The following LHFPL4 variants were observed in gnomAD, a reference collection of about 807,000 sequenced individuals.
The protein encoded by LHFPL4 is LHFPL tetraspan subfamily member 4 protein.
LHFPL4 carries 6 observed loss-of-function variants against 20.0 expected under a neutral mutation model. The ratio of observed to expected loss-of-function variants is 0.30; its 90% CI spans 0.16 to 0.59. The LOEUF (loss-of-function observed/expected upper bound fraction) is 0.59. LHFPL4 is among the 20% of genes least tolerant of loss of function. LHFPL4 has a pLI of 0.88. For synonymous variants in LHFPL4, 129 were observed against 143.8 expected (o/e 0.90, Z 0.74); for missense variants, 215 against 331.2 (o/e 0.65, Z 2.72).
intron 2 of LHFPL4, among the ~76,000 whole-genome samples, chr3:9,538,909 A>C (rs976756159): frequency 5.9e-5 from 9 of 151,958 alleles, no homozygotes; most frequent in Non-Finnish European, 1.3e-4. Flanking sequence ...CACATTGGCC[A>C]GGCTGGTCTT....
At chr3:9,507,414 G>A (rs954343798) in intron 2 of LHFPL4, among the ~76,000 whole-genome samples, 1 of 152,222 alleles carries the variant, frequency 6.6e-6, no homozygotes, top group African/African-American at 2.4e-5. Context: ...TTCTTCATCT[G>A]TACAATGGGG....
intron 2 of LHFPL4, among the ~76,000 whole-genome samples, chr3:9,520,122 C>T (rs2046328659): frequency 6.6e-6 from 1 of 152,024 alleles, no homozygotes. Flanking sequence ...ATCATGTCAT[C>T]CCTCAAGTTT....
intron 2 of LHFPL4, among the ~76,000 whole-genome samples, chr3:9,534,103 G>A (rs566181740): frequency 1.3e-5 from 2 of 151,716 alleles, no homozygotes; most frequent in South Asian, 2.1e-4. Context: ...CCATGCAGTA[G>A]TCCCCGCTAT....
intron 2 of LHFPL4, among the ~76,000 whole-genome samples, chr3:9,530,879 G>A (rs531953373): frequency 2.0e-5 from 3 of 152,092 alleles, no homozygotes; most frequent in African/African-American, 4.8e-5. Flanking sequence ...GATAACAAGC[G>A]TGAGCCACCA....
chr3:9,538,996 G>A (rs892083699), intron 2 of LHFPL4, among the ~76,000 whole-genome samples: 3 of 151,768 alleles, frequency 2.0e-5, no homozygotes, highest in Non-Finnish European at 4.4e-5. Context: ...CACCACACCT[G>A]GCCCAAATTC....
At chr3:9,510,452 A>AAT (rs2046250599) in intron 2 of LHFPL4, among the ~76,000 whole-genome samples, 1 of 148,088 alleles carries the variant, frequency 6.8e-6, no homozygotes, top group African/African-American at 2.5e-5. Flanking sequence ...AAAAAAAAAA[A>AAT]GGCCCTAATG....
At chr3:9,550,618 C>T (rs2046547267) in intron 2 of LHFPL4, 1 of 152,222 alleles carries the variant, frequency 6.6e-6, no homozygotes, top group Non-Finnish European at 1.5e-5. Flanking sequence ...CATCTGCAGA[C>T]TCCAAATTAA....
rs753941704 is a variant in LHFPL4 at position 9,552,630 on chromosome 3, C to T, written c.50G>A (p.Arg17Gln). 6.2e-7 allele frequency: 1 copy of T among 1,613,678 alleles called. No individual in the cohort carries two copies. The highest frequency in any genetic ancestry group is 8.5e-7 in the Non-Finnish European group (1 of 1,179,890). The change falls in exon 2 of 4, where the codon CGG (arginine) becomes CAG (glutamine). Residue 17 changes from arginine (R) to glutamine (Q), a missense_variant. By Grantham distance (43) the Arg-to-Gln change is conservative. Coordinates refer to ENST00000287585, the MANE Select transcript of LHFPL4 (RefSeq NM_198560.3). ...CAGCACGCCGATGGCCCGCGAGTTC[C>T]GCATGTAGTGCTCGTGGTAGAGCTT... ...ASKLYHEHYM[R>Q]NSRAIGVLWA...
intron 1 of LHFPL4, among the ~76,000 whole-genome samples, chr3:9,553,202 G>A (rs368347347): frequency 6.6e-6 from 1 of 151,662 alleles, no homozygotes; most frequent in Non-Finnish European, 1.5e-5. Flanking sequence ...GTCTAGCAAG[G>A]GACTATGAGG....
At chr3:9,514,242 G>A (rs539695940) in intron 2 of LHFPL4, among the ~76,000 whole-genome samples, 2 of 152,242 alleles carry the variant, frequency 1.3e-5, no homozygotes, top group African/African-American at 4.8e-5. Flanking sequence ...AGAAGTTCAA[G>A]ACCAGCATAG....
At chr3:9,530,411 A>C (rs1257972619) in intron 2 of LHFPL4, among the ~76,000 whole-genome samples, 2 of 152,094 alleles carry the variant, frequency 1.3e-5, no homozygotes, top group Non-Finnish European at 2.9e-5. Context: ...ACATGAACCA[A>C]CCTCTGCTAG....
intron 2 of LHFPL4, among the ~76,000 whole-genome samples, chr3:9,512,180 C>A (rs918009263): frequency 6.6e-6 from 1 of 152,236 alleles, no homozygotes; most frequent in African/African-American, 2.4e-5. Flanking sequence ...ATCCACCCGC[C>A]TTGGCCTCCC....
Position 9,502,156 on chromosome 3 carries a change from C to CA in LHFPL4, c.*54dup, listed in dbSNP as rs2046181175. On this transcript the variant is annotated 3_prime_UTR_variant, in exon 4 of 4. Coordinates refer to ENST00000287585, the MANE Select transcript of LHFPL4 (RefSeq NM_198560.3). ...GAGCTTGAATGGAGTGACGAGAGGG[C>CA]AGAAGGCAGGACAAGCTGAGGTCAG... 7.9e-7 allele frequency: 1 copy of CA among 1,271,630 alleles called. No individual in the cohort carries two copies. The highest frequency in any genetic ancestry group is 1.5e-5 in the African/African-American group (1 of 68,122). 78.8% of individuals were successfully genotyped at this position (1,271,630 alleles called of 1,614,324 possible).
At chr3:9,516,765 C>T (rs1482324714) in intron 2 of LHFPL4, among the ~76,000 whole-genome samples, 9 of 147,468 alleles carry the variant, frequency 6.1e-5, no homozygotes, top group African/African-American at 2.0e-4. Flanking sequence ...TGAGCCATTG[C>T]GCCCAGCCAC....
At chr3:9,543,697 G>A (rs1048540856) in intron 2 of LHFPL4, among the ~76,000 whole-genome samples, 1 of 143,372 alleles carries the variant, frequency 7.0e-6, no homozygotes, top group Non-Finnish European at 1.5e-5. Context: ...AGGCGACTAC[G>A]TTTTGGGGTG....
At chr3:9,522,990 G>A (rs186876850) in intron 2 of LHFPL4, among the ~76,000 whole-genome samples, 197 of 144,762 alleles carry the variant, frequency 1.4e-3, no homozygotes, top group African/African-American at 4.6e-3. Flanking sequence ...GCAGTGAGCC[G>A]AGATCGTGCC....
At chr3:9,524,065 T>C (rs1259347574) in intron 2 of LHFPL4, among the ~76,000 whole-genome samples, 1 of 150,770 alleles carries the variant, frequency 6.6e-6, no homozygotes, top group Non-Finnish European at 1.5e-5. Flanking sequence ...ATTCTTATCT[T>C]TGCTTTTCTA....
At position 9,506,470 on chromosome 3, in the gene LHFPL4, C is replaced by T. The variant is rs2125655396; in HGVS notation, c.407-267G>A. Among the ~76,000 whole-genome samples, 1 of 152,308 alleles carries T rather than the reference C, an allele frequency of 6.6e-6. No individual in the cohort carries two copies. Among genetic ancestry groups the T allele is most frequent in the East Asian group, 1.9e-4 (1 of 5,182 alleles). ...TGAGATCAACTCCTCCTCCAGGAAG[C>T]ATTCTGGGAATATGAGAACATAGCC... On this transcript the variant is annotated intron_variant, in intron 2 of 3. Coordinates refer to ENST00000287585, the MANE Select transcript of LHFPL4 (RefSeq NM_198560.3). This position sits in a 1 kb window ranked among gnomAD's most constrained non-coding sequence, Gnocchi z 4.5.
Position 9,498,957 on chromosome 3 carries a change from G to T in LHFPL4, c.*3254C>A, listed in dbSNP as rs1353995517. 1 of 152,374 alleles carries T rather than the reference G, an allele frequency of 6.6e-6. No individual in the cohort carries two copies. Among genetic ancestry groups the T allele is most frequent in the Non-Finnish European group, 1.5e-5 (1 of 68,068 alleles). The allele number at this position is 152,374 out of a possible 1,614,324, so 9.4% of individuals were successfully genotyped here. A position where few individuals can be genotyped will look rare whatever the true frequency, so the allele number is the denominator to read the frequency against. Reference sequence around the variant, plus strand: ...CCCCGGTTCCCAGAAGGACTCAACTGACCAGACTGTGGGCCAGGGACTGAA... The same window carrying T: ...CCCCGGTTCCCAGAAGGACTCAACTTACCAGACTGTGGGCCAGGGACTGAA... On this transcript the variant is annotated 3_prime_UTR_variant, in exon 4 of 4. Transcript: ENST00000287585.
Sources: allele counts gnomAD v4.1 joint callset (sites outside exome capture counted in the v4.1 genomes callset), GRCh38; gene constraint gnomAD v4.1.1; non-coding constraint Gnocchi (gnomAD v3.1); transcripts MANE v1.5; gene names NCBI Gene and HGNC (gene_info 2026-07-23, HGNC 2026-07-21).